Variants in PTPRJ observed in about 807,000 individuals in gnomAD.
PTPRJ encodes receptor-type tyrosine-protein phosphatase eta.
PTPRJ carries 129 observed loss-of-function variants against 141.3 expected under a neutral mutation model. The ratio of observed to expected loss-of-function variants is 0.91; its 90% CI spans 0.79 to 1.06. The LOEUF is 1.06. PTPRJ is among the 50% of genes least tolerant of loss of function. The pLI, the probability that PTPRJ is intolerant of heterozygous loss-of-function variation, is 0.00. For missense variants in PTPRJ, 1,601 were observed against 1,679.7 expected (o/e 0.95, Z 0.82); for synonymous variants, 610 against 640.5 (o/e 0.95, Z 0.72).
intron 8 of PTPRJ, among the ~76,000 whole-genome samples, chr11:48,134,452 G>C (rs982577665): frequency 1.3e-5 from 2 of 151,922 alleles, no homozygotes; most frequent in African/African-American, 4.8e-5. Context: ...TTTTGTCTGT[G>C]GAATCCCTTT....
At chr11:48,035,449 G>C (rs1359925002) in intron 1 of PTPRJ, among the ~76,000 whole-genome samples, 1 of 151,958 alleles carries the variant, frequency 6.6e-6, no homozygotes, top group African/African-American at 2.4e-5. Flanking sequence ...GCCTGGGCCT[G>C]GTGAGCCCCC....
chr11:48,054,758 A>T (rs1854709274), intron 1 of PTPRJ, among the ~76,000 whole-genome samples: 1 of 151,496 alleles, frequency 6.6e-6, no homozygotes, highest in Admixed American at 6.6e-5. Flanking sequence ...TCTGTTTTAT[A>T]TGAGAACAAG....
At chr11:48,094,635 C>T (rs1855955468) in intron 1 of PTPRJ, among the ~76,000 whole-genome samples, 1 of 152,144 alleles carries the variant, frequency 6.6e-6, no homozygotes. Flanking sequence ...AGACTCTGAT[C>T]TCTATTGGGA....
At chr11:48,147,054 T>C (rs1857370119) in intron 15 of PTPRJ, 91 bp downstream of exon 15, 1 of 1,065,632 alleles carries the variant, frequency 9.4e-7, no homozygotes, top group South Asian at 1.3e-5. Context: ...TCAGAAGGAA[T>C]GATATGATGA....
intron 22 of PTPRJ, among the ~76,000 whole-genome samples, 197 bp downstream of exon 22, chr11:48,160,246 T>C (rs368569867): frequency 2.5e-4 from 38 of 152,342 alleles, no homozygotes; most frequent in Non-Finnish European, 3.2e-4. Flanking sequence ...GAAATTTACT[T>C]TCTTGGGAAT....
At chr11:48,132,584 C>G in intron 8 of PTPRJ, 1 of 963,658 alleles carries the variant, frequency 1.0e-6, no homozygotes, top group Non-Finnish European at 1.2e-6. Context: ...TAAAGATATA[C>G]CTAATGTAAA....
Position 48,075,992 on chromosome 11 carries a change from GC to G in PTPRJ, c.97-34061del, listed in dbSNP as rs1029505109. Among the ~76,000 whole-genome samples the G allele has an allele frequency of 5.9e-5, 9 of 152,178 alleles. No homozygotes were observed. The Middle Eastern group carries it at 0.01, about 174-fold the overall frequency. ...TGGTCATCCCATTTCCATCTGAAAG[GC>G]CCCCTTGTTCATGAAGCCTCTCATG... On this transcript the variant is annotated intron_variant, in intron 1 of 24. Coordinates refer to ENST00000418331, the MANE Select transcript of PTPRJ (RefSeq NM_002843.4).
In PTPRJ at chr11:48,027,105, C is replaced by T. The variant is rs1474137620; in HGVS notation, c.96+46097C>T. ...CTGCAAGCTCTGCCTCCCAGGTTCA[C>T]GCCATTCTCCTGCCTCAGCCTCCAG... On this transcript the variant is annotated intron_variant, in intron 1 of 24. Transcript: ENST00000418331. Among the ~76,000 whole-genome samples the T allele has an allele frequency of 1.1e-4, 16 of 149,394 alleles. No homozygotes were observed. The East Asian group carries it at 2.7e-3, about 25-fold the overall frequency.
intron 1 of PTPRJ, among the ~76,000 whole-genome samples, chr11:48,075,118 G>A (rs1422274791): frequency 1.3e-5 from 2 of 151,188 alleles, no homozygotes; most frequent in Non-Finnish European, 2.9e-5. Flanking sequence ...GCAGTTACAT[G>A]CTAGCATTAT....
intron 1 of PTPRJ, among the ~76,000 whole-genome samples, chr11:48,049,525 CAAAACAA>C (rs989946271): frequency 7.0e-6 from 1 of 142,790 alleles, no homozygotes; most frequent in Admixed American, 7.1e-5. Context: ...TAAAACAAAA[CAAAACAA>C]AACAAAACAA....
chr11:48,144,952 G>A (rs200573671), intron 13 of PTPRJ, 48 bp from the exon 14 acceptor site: 15 of 1,613,994 alleles, frequency 9.3e-6, no homozygotes, highest in South Asian at 3.3e-5. Context: ...ACATGCCTGC[G>A]GTCAGACACG....
Position 48,130,562 on chromosome 11 carries a change from A to T in PTPRJ, c.1461A>T (p.Thr487=). Residue 487 remains threonine (T), a synonymous_variant, in exon 8 of 25, where the codon ACA becomes ACT. Transcript: ENST00000418331. ...HDAESFQMHI[T]QEGAGNSRVE... is the part of the protein sequence containing the mutation. ...CAGAATCATTTCAGATGCATATCAC[A>T]CAGGAGGGAGCTGGCAATTCTCGGG... 1 of 1,614,162 alleles carries T rather than the reference A, an allele frequency of 6.2e-7. No individual in the cohort carries two copies. The highest frequency in any genetic ancestry group is 8.5e-7 in the Non-Finnish European group (1 of 1,180,016).
At chr11:48,089,464 C>T (rs371991169) in intron 1 of PTPRJ, among the ~76,000 whole-genome samples, 63 of 146,874 alleles carry the variant, frequency 4.3e-4, no homozygotes, top group African/African-American at 1.6e-3. Flanking sequence ...TACAGTGAGC[C>T]GATATTGTGC....
At chr11:48,015,670 A>G (rs1403991466) in intron 1 of PTPRJ, among the ~76,000 whole-genome samples, 1 of 151,588 alleles carries the variant, frequency 6.6e-6, no homozygotes, top group Non-Finnish European at 1.5e-5. Flanking sequence ...TGAGGTCAGG[A>G]GTTCAAGACC....
intron 1 of PTPRJ, among the ~76,000 whole-genome samples, chr11:48,031,818 T>C (rs894287755): frequency 6.6e-6 from 1 of 152,226 alleles, no homozygotes; most frequent in African/African-American, 2.4e-5. Flanking sequence ...GGCTCCTGAA[T>C]GCAAGCCACT....
At chr11:48,045,515 G>A (rs749946425) in intron 1 of PTPRJ, among the ~76,000 whole-genome samples, 27 of 152,316 alleles carry the variant, frequency 1.8e-4, no homozygotes, top group Non-Finnish European at 3.7e-4. Context: ...AATGGAAACC[G>A]TTTGCTCCCG....
intron 1 of PTPRJ, among the ~76,000 whole-genome samples, chr11:48,022,522 C>T (rs1853680504): frequency 6.6e-6 from 1 of 150,514 alleles, no homozygotes. Flanking sequence ...TGAGAAGAGT[C>T]CTGGTCTGGT....
chr11:48,147,902 A>G (rs1162395323), intron 15 of PTPRJ, among the ~76,000 whole-genome samples: 3 of 151,648 alleles, frequency 2.0e-5, no homozygotes, highest in Admixed American at 6.6e-5. Context: ...GCTGGAGTAC[A>G]GTGGCATGAT....
Position 48,130,727 on chromosome 11 carries a change from A to T in PTPRJ, c.1615+11A>T. 6.3e-7 allele frequency: 1 copy of T among 1,588,412 alleles called. No individual in the cohort carries two copies. Among genetic ancestry groups the T allele is most frequent in the Non-Finnish European group, 8.6e-7 (1 of 1,162,570 alleles). ...TTTGCAATAGAACTGGTAAGCAAAT[A>T]GGCTTTTCTGTTAAACCATCATGTT... On this transcript the variant is annotated intron_variant, in intron 8 of 24. Coordinates refer to ENST00000418331, the MANE Select transcript of PTPRJ (RefSeq NM_002843.4).
Sources: allele counts gnomAD v4.1 joint callset (sites outside exome capture counted in the v4.1 genomes callset), GRCh38; gene constraint gnomAD v4.1.1; transcripts MANE v1.5; gene names NCBI Gene and HGNC (gene_info 2026-07-23, HGNC 2026-07-21).